Variants in CYTH1 observed in about 807,000 individuals in gnomAD.
CYTH1 encodes cytohesin-1.
Under a neutral mutation model 61.8 loss-of-function variants are expected in CYTH1, and 18 were observed. The ratio of observed to expected loss-of-function variants is 0.29; its 90% CI spans 0.20 to 0.43. CYTH1 has a LOEUF of 0.43. Among genes scored for constraint, CYTH1 ranks in the 20% least tolerant of loss-of-function variants. CYTH1 has a pLI of 1.00. For missense variants in CYTH1, 336 were observed against 510.5 expected, an observed-to-expected ratio of 0.66 and a Z score of 3.29; for synonymous variants, 174 against 184.3, an observed-to-expected ratio of 0.94 and a Z score of 0.45.
chr17:78,695,509 A>T (rs1449673817), intron 10 of CYTH1, among the ~76,000 whole-genome samples: 1 of 152,184 alleles, frequency 6.6e-6, no homozygotes, highest in East Asian at 1.9e-4. Context: ...CATCATGGTA[A>T]ATCAGAAGCT....
intron 1 of CYTH1, among the ~76,000 whole-genome samples, chr17:78,724,897 A>C (rs2093257281): frequency 6.6e-6 from 1 of 152,260 alleles, no homozygotes; most frequent in Admixed American, 6.5e-5. Flanking sequence ...GTCTTTCAAG[A>C]AACAGCCATA....
chr17:78,679,145 A>T lies in CYTH1; in HGVS notation c.1118+1045T>A, dbSNP rs565736285. 2.4e-4 allele frequency among the ~76,000 whole-genome samples: 36 copies of T among 152,362 alleles called. No homozygotes were observed. In the South Asian group the frequency reaches 4.1e-3, roughly 18 times the overall value. On this transcript the variant is annotated intron_variant, in intron 13 of 13. Transcript: ENST00000446868. Reference sequence around the variant, plus strand: ...TAGAGGATATTGCACACCCTCGGGAACGGGGCTGTAGCCTGGGTGGGAGAA... The same window carrying T: ...TAGAGGATATTGCACACCCTCGGGATCGGGGCTGTAGCCTGGGTGGGAGAA...
rs2093016777 is a variant in CYTH1, at chr17:78,702,103, A to G, written c.356+19T>C. ...CTGAACAGCCTTCCCTAGCATGCGCATAATCCCCAAGGCCTTACCTCTCCC... is the reference window on the plus strand; with the variant it reads ...CTGAACAGCCTTCCCTAGCATGCGCGTAATCCCCAAGGCCTTACCTCTCCC... On this transcript the variant is annotated intron_variant, in intron 5 of 13. Transcript: ENST00000446868. The G allele has an allele frequency of 1.3e-6, 2 of 1,578,414 alleles. No individual in the cohort carries two copies. Among genetic ancestry groups the G allele is most frequent in the Non-Finnish European group, 1.7e-6 (2 of 1,149,010 alleles).
At chr17:78,746,629 T>C (rs1418136054) in intron 1 of CYTH1, among the ~76,000 whole-genome samples, 1 of 152,206 alleles carries the variant, frequency 6.6e-6, no homozygotes, top group East Asian at 1.9e-4. Context: ...TCTTCACATA[T>C]TGATTTACTC....
chr17:78,684,792 G>A lies in CYTH1; in HGVS notation c.892-3750C>T, dbSNP rs1021764450. ...TTTTAATTGTTTAGAATTTAACAGG[G>A]GGAAAAAAGGAAGCAGAAACTGAAG... is the stretch of plus-strand genomic sequence containing the variant. On this transcript the variant is annotated intron_variant, in intron 11 of 13. Transcript: ENST00000446868. Among the ~76,000 whole-genome samples the A allele has an allele frequency of 7.2e-5, 11 of 152,138 alleles. 4 individuals carry two copies. Among genetic ancestry groups the A allele is most frequent in the East Asian group, 1.9e-4 (1 of 5,184 alleles).
intron 1 of CYTH1, among the ~76,000 whole-genome samples, chr17:78,768,076 C>A (rs1190822802): frequency 6.6e-6 from 1 of 152,188 alleles, no homozygotes; most frequent in Non-Finnish European, 1.5e-5. Flanking sequence ...TCATTCAAGA[C>A]TGGCTCGGAA....
At chr17:78,702,503 T>G (rs770372495) in intron 4 of CYTH1, 35 bp downstream of exon 4, 3 of 1,608,570 alleles carry the variant, frequency 1.9e-6, no homozygotes, top group Non-Finnish European at 2.6e-6. Context: ...AAACCCCATC[T>G]AATATGGACC....
chr17:78,780,321 T>C (rs1055965853), intron 1 of CYTH1, among the ~76,000 whole-genome samples: 2 of 151,402 alleles, frequency 1.3e-5, no homozygotes, highest in African/African-American at 4.9e-5. Flanking sequence ...CTAGGCAACA[T>C]AGGGAGACCT....
intron 2 of CYTH1, among the ~76,000 whole-genome samples, 184 bp from the exon 3 acceptor site, chr17:78,708,445 C>T (rs938011210): frequency 1.3e-5 from 2 of 152,108 alleles, no homozygotes; most frequent in African/African-American, 4.8e-5. Flanking sequence ...GAGTGCCTAC[C>T]AAACAGTAAG....
intron 1 of CYTH1, among the ~76,000 whole-genome samples, chr17:78,742,147 G>A (rs1486999431): frequency 6.6e-6 from 1 of 152,192 alleles, no homozygotes; most frequent in Non-Finnish European, 1.5e-5. Flanking sequence ...TAGTTCCTTA[G>A]GCTAAATTTC....
At chr17:78,741,436 G>A (rs549428338) in intron 1 of CYTH1, among the ~76,000 whole-genome samples, 2 of 152,266 alleles carry the variant, frequency 1.3e-5, no homozygotes, top group African/African-American at 4.8e-5. Flanking sequence ...TCTAGGGAAG[G>A]TTTGTTTTTT....
chr17:78,728,266 C>G (rs1244374775), intron 1 of CYTH1, among the ~76,000 whole-genome samples: 1 of 152,174 alleles, frequency 6.6e-6, no homozygotes, highest in African/African-American at 2.4e-5. Context: ...ATTATTTACG[C>G]CGGGTGCAGT....
At chr17:78,716,506 A>G (rs976955842) in intron 1 of CYTH1, among the ~76,000 whole-genome samples, 2 of 152,214 alleles carry the variant, frequency 1.3e-5, no homozygotes, top group East Asian at 3.8e-4. Context: ...CATTTGCCAC[A>G]TGACTGCTAA....
rs7225747 is a variant in CYTH1, at chr17:78,753,302, T to A, written c.22+28900A>T. Among the ~76,000 whole-genome samples, 694 of 152,026 alleles carry A rather than the reference T, an allele frequency of 4.6e-3. 5 individuals are homozygous for A. The highest frequency in any genetic ancestry group is 0.016 in the African/African-American group (648 of 41,458). ...TAGTGAGACCCTATCTCTAATTTAA[T>A]TATAAGGAAAAAAGAAAGAAAAAAT... is the stretch of plus-strand genomic sequence containing the variant. On this transcript the variant is annotated intron_variant, in intron 1 of 13. Coordinates refer to ENST00000446868, the MANE Select transcript of CYTH1 (RefSeq NM_004762.6).
chr17:78,771,461 G>A (rs760899380), intron 1 of CYTH1, among the ~76,000 whole-genome samples: 13 of 150,878 alleles, frequency 8.6e-5, no homozygotes, highest in African/African-American at 1.7e-4. Context: ...GGCCAGGTGC[G>A]GTGGCTCACA....
chr17:78,721,149 G>C (rs2093225008), intron 1 of CYTH1, among the ~76,000 whole-genome samples: 1 of 152,156 alleles, frequency 6.6e-6, no homozygotes, highest in African/African-American at 2.4e-5. Flanking sequence ...GGCCAACGTG[G>C]TGAAACCCTG....
At chr17:78,742,796 A>G (rs1276733810) in intron 1 of CYTH1, among the ~76,000 whole-genome samples, 1 of 152,214 alleles carries the variant, frequency 6.6e-6, no homozygotes, top group African/African-American at 2.4e-5. Flanking sequence ...CAGAGGTTGC[A>G]GTGAGCTGAG....
At chr17:78,701,183 G>A (rs1288091371) in intron 6 of CYTH1, among the ~76,000 whole-genome samples, 1 of 152,184 alleles carries the variant, frequency 6.6e-6, no homozygotes, top group Non-Finnish European at 1.5e-5. Flanking sequence ...AGGTTTAATT[G>A]TGGATTGTTT....
At chr17:78,768,133 C>T (rs1239803802) in intron 1 of CYTH1, among the ~76,000 whole-genome samples, 2 of 152,138 alleles carry the variant, frequency 1.3e-5, no homozygotes, top group Non-Finnish European at 1.5e-5. Context: ...CTCTTAATAT[C>T]CCCCAGAAAA....
Sources: allele counts gnomAD v4.1 joint callset (sites outside exome capture counted in the v4.1 genomes callset), GRCh38; gene constraint gnomAD v4.1.1; transcripts MANE v1.5; gene names NCBI Gene and HGNC (gene_info 2026-07-23, HGNC 2026-07-21).